Variants in INPP5D observed in about 807,000 individuals in gnomAD.
INPP5D encodes phosphatidylinositol 3,4,5-trisphosphate 5-phosphatase 1.
In INPP5D, 33 loss-of-function variants were observed where a neutral mutation model predicts 122.9. The ratio of observed to expected loss-of-function variants is 0.27; its 90% CI spans 0.20 to 0.36. INPP5D has a LOEUF of 0.36. INPP5D is among the 10% of genes least tolerant of loss of function. INPP5D has a pLI of 1.00. For missense variants in INPP5D, 1,053 were observed against 1,412.7 expected (o/e 0.75, Z 4.08); for synonymous variants, 584 against 576.2 (o/e 1.01, Z -0.19).
chr2:233,149,539 TC>T (rs1693868870), intron 9 of INPP5D, among the ~76,000 whole-genome samples: 1 of 152,142 alleles, frequency 6.6e-6, no homozygotes, highest in African/African-American at 2.4e-5. Flanking sequence ...TAGGGAGGGC[TC>T]CTCTCATATG....
intron 2 of INPP5D, among the ~76,000 whole-genome samples, chr2:233,116,788 G>T (rs1258367752): frequency 6.7e-6 from 1 of 149,506 alleles, no homozygotes; most frequent in African/African-American, 2.5e-5. Flanking sequence ...GTAGAGATGG[G>T]GTTTCACCAT....
chr2:233,180,175 GC>G (rs1373444849), intron 18 of INPP5D, among the ~76,000 whole-genome samples: 11 of 152,036 alleles, frequency 7.2e-5, no homozygotes, highest in Admixed American at 7.2e-4. Flanking sequence ...GGTCCCATTG[GC>G]CAAAGAAAGT....
In INPP5D at chr2:233,163,859, C is replaced by T. The variant is rs1329061257; in HGVS notation, c.1393C>T (p.Leu465Phe). 1 of 1,613,762 alleles carries T rather than the reference C, an allele frequency of 6.2e-7. No individual in the cohort carries two copies. The highest frequency in any genetic ancestry group is 1.3e-5 in the African/African-American group (1 of 74,890). Residue 465 changes from leucine (L) to phenylalanine (F), a missense_variant, in exon 12 of 27, where the codon CTC (leucine) becomes TTC (phenylalanine). Physicochemically the swap from Leu to Phe is conservative, Grantham distance 22. This residue lies in a region of INPP5D where 105 missense variants were observed against 199.8 expected (regional missense o/e 0.53). Coordinates refer to ENST00000445964, the MANE Select transcript of INPP5D (RefSeq NM_001017915.3). ...GAGTGAGAAGGAGTGGCTGGAGATC[C>T]TCAAACACTCCCTGCAAGAAATCAC... Reference protein sequence around the residue: ...PLSEKEWLEILKHSLQEITSV... With the variant: ...PLSEKEWLEIFKHSLQEITSV...
rs1403525839 is a variant in INPP5D, at chr2:233,164,202, G to C, written c.1438-105G>C. The C allele has an allele frequency of 6.9e-7, 1 of 1,459,206 alleles. No homozygotes were observed. The highest frequency in any genetic ancestry group is 9.1e-7 in the Non-Finnish European group (1 of 1,104,068). The allele number at this position is 1,459,206 out of a possible 1,614,324, so 90.4% of individuals were successfully genotyped here. Reference sequence around the variant, plus strand: ...CCCGAAGGGTTGGGATTACAGACAGGATACCCCATACCCAGGGGCTGCGGC... The same window carrying C: ...CCCGAAGGGTTGGGATTACAGACAGCATACCCCATACCCAGGGGCTGCGGC... On this transcript the variant is annotated intron_variant, in intron 12 of 26. Coordinates refer to ENST00000445964, the MANE Select transcript of INPP5D (RefSeq NM_001017915.3). The surrounding 1 kb of genome is among the most constrained non-coding windows in gnomAD (Gnocchi z 4.3).
Position 233,100,504 on chromosome 2 carries a change from C to T in INPP5D, c.198+21106C>T, listed in dbSNP as rs754313448. On this transcript the variant is annotated intron_variant, in intron 2 of 26. Transcript: ENST00000445964. This position sits in a 1 kb window ranked among gnomAD's most constrained non-coding sequence, Gnocchi z 5.3. Reference sequence around the variant, plus strand: ...ACTCCAAAACAGCCCACGTTACTCCCGGTGACAATCAGAATTCCCCCTGGC... The same window carrying T: ...ACTCCAAAACAGCCCACGTTACTCCTGGTGACAATCAGAATTCCCCCTGGC... 9.9e-5 allele frequency among the ~76,000 whole-genome samples: 15 copies of T among 152,154 alleles called. No homozygotes were observed. The highest frequency in any genetic ancestry group is 1.6e-4 in the Non-Finnish European group (11 of 68,026).
At chr2:233,089,280 A>G (rs547574346) in intron 2 of INPP5D, among the ~76,000 whole-genome samples, 1 of 152,312 alleles carries the variant, frequency 6.6e-6, no homozygotes, top group East Asian at 1.9e-4. Flanking sequence ...GTCAGGAGCT[A>G]GGCACTTCAT....
chr2:233,162,372 G>GAATATATAGTATATATACATATGCTA (rs1389877322), intron 11 of INPP5D, among the ~76,000 whole-genome samples: 1 of 76,858 alleles, frequency 1.3e-5, no homozygotes, highest in Non-Finnish European at 4.5e-5. Context: ...ACATTATGCT[G>GAATATATAGTATATATACATATGCTA]AATATATAGT....
At chr2:233,072,204 T>A (rs976303948) in intron 1 of INPP5D, among the ~76,000 whole-genome samples, 4 of 152,248 alleles carry the variant, frequency 2.6e-5, no homozygotes, top group Non-Finnish European at 5.9e-5. Context: ...GAAGCAGTCT[T>A]CTTCTAGTTT....
In INPP5D at chr2:233,197,995, G is replaced by A. The variant is rs1462730823; in HGVS notation, c.2694-100G>A. 4 of 1,420,434 alleles carry A rather than the reference G, an allele frequency of 2.8e-6. No individual in the cohort carries two copies. Among genetic ancestry groups the A allele is most frequent in the Middle Eastern group, 2.6e-4 (1 of 3,912 alleles). The allele number at this position is 1,420,434 out of a possible 1,614,324, so 88.0% of individuals were successfully genotyped here. The stretch of plus-strand genomic sequence containing the variant: ...GAGGTGAAGGAGTTGAGGAGAGCTC[G>A]AGAGAGCCCTAGGGTTATCAGAGGA... On this transcript the variant is annotated intron_variant, in intron 24 of 26. Transcript: ENST00000445964. This position sits in a 1 kb window ranked among gnomAD's most constrained non-coding sequence, Gnocchi z 4.4.
intron 9 of INPP5D, among the ~76,000 whole-genome samples, chr2:233,155,620 CAAAA>C (rs1353228876): frequency 2.0e-4 from 25 of 126,804 alleles, no homozygotes; most frequent in African/African-American, 6.1e-4. Context: ...GACTCCATCT[CAAAA>C]AATAAATAAA....
intron 9 of INPP5D, among the ~76,000 whole-genome samples, chr2:233,157,399 GA>G (rs1694082921): frequency 1.3e-5 from 2 of 151,412 alleles, no homozygotes; most frequent in African/African-American, 4.9e-5. Flanking sequence ...ACATGGAAAA[GA>G]GAGTTATAAA....
chr2:233,117,128 G>A (rs1260040454), intron 2 of INPP5D, among the ~76,000 whole-genome samples: 3 of 152,176 alleles, frequency 2.0e-5, no homozygotes, highest in African/African-American at 7.2e-5. Context: ...GGCCTTCATG[G>A]TTTCCTTCTC....
chr2:233,109,894 C>CT (rs895514563), intron 2 of INPP5D, among the ~76,000 whole-genome samples: 12 of 150,188 alleles, frequency 8.0e-5, no homozygotes, highest in East Asian at 4.0e-4. Context: ...CAGTCTTTAT[C>CT]TTTTTTTTGA....
At position 233,091,020 on chromosome 2, in the gene INPP5D, T is replaced by C. The variant is rs1691977810; in HGVS notation, c.198+11622T>C. Among the ~76,000 whole-genome samples, 3 of 151,750 alleles carry C rather than the reference T, an allele frequency of 2.0e-5. 1 individual carries two copies. The South Asian group carries it at 6.2e-4, about 32-fold the overall frequency. ...CTACAAGAAAGATACCACTGGCTGC[T>C]TGGGAAACCAGACAATAGAACTGCT... On this transcript the variant is annotated intron_variant, in intron 2 of 26. Transcript: ENST00000445964.
At chr2:233,127,740 C>G (rs1455112500) in intron 4 of INPP5D, among the ~76,000 whole-genome samples, 1 of 152,220 alleles carries the variant, frequency 6.6e-6, no homozygotes, top group Non-Finnish European at 1.5e-5. Flanking sequence ...TCCCAAGTAG[C>G]TGGGATTACA....
intron 25 of INPP5D, among the ~76,000 whole-genome samples, chr2:233,201,503 G>T (rs1695341481): frequency 6.6e-6 from 1 of 152,224 alleles, no homozygotes; most frequent in South Asian, 2.1e-4. Context: ...GAGCCCTGCA[G>T]CTCGCACACC....
At chr2:233,138,352 C>T (rs1186168616) in intron 5 of INPP5D, among the ~76,000 whole-genome samples, 6 of 142,512 alleles carry the variant, frequency 4.2e-5, no homozygotes, top group Non-Finnish European at 6.1e-5. Context: ...GTTTATAACA[C>T]TATATAAAAA....
intron 21 of INPP5D, among the ~76,000 whole-genome samples, chr2:233,186,839 C>T (rs1253863655): frequency 6.7e-6 from 1 of 150,358 alleles, no homozygotes; most frequent in Non-Finnish European, 1.5e-5. Flanking sequence ...TCTCCTGCCT[C>T]ACCCTCCTGA....
At chr2:233,147,443 A>G (rs1032918009) in intron 8 of INPP5D, 28 bp from the exon 9 acceptor site, 4 of 703,062 alleles carry the variant, frequency 5.7e-6, no homozygotes, top group South Asian at 3.0e-5. Flanking sequence ...CAGAAAATCA[A>G]TCAGTGACAC....
Sources: allele counts gnomAD v4.1 joint callset (sites outside exome capture counted in the v4.1 genomes callset), GRCh38; gene constraint gnomAD v4.1.1; regional missense constraint gnomAD v4.1.1; non-coding constraint Gnocchi (gnomAD v3.1); transcripts MANE v1.5; gene names NCBI Gene and HGNC (gene_info 2026-07-23, HGNC 2026-07-21).